Variants in CAPN5 observed in about 807,000 individuals in gnomAD.
CAPN5 encodes the protein calpain 5.
CAPN5 carries 54 observed loss-of-function variants against 73.0 expected under a neutral mutation model. That is an observed-to-expected ratio of 0.74 (90% confidence interval 0.59 to 0.93). CAPN5 has a LOEUF of 0.93. Ranked by LOEUF, CAPN5 falls within the 40% of genes least tolerant of loss-of-function variation. The probability of loss-of-function intolerance (pLI) is 0.00; values close to 1 mark genes in which losing one functional copy is unlikely to be tolerated. For synonymous variants in CAPN5, 335 were observed against 356.9 expected (o/e 0.94, Z 0.69); for missense variants, 785 against 882.9 (o/e 0.89, Z 1.41).
intron 2 of CAPN5, among the ~76,000 whole-genome samples, chr11:77,091,654 G>A (rs913582073): frequency 2.6e-5 from 4 of 152,298 alleles, no homozygotes; most frequent in East Asian, 1.9e-4. Context: ...TCAGTGAGGC[G>A]ATGGGAGAGG....
intron 5 of CAPN5, 143 bp downstream of exon 5, chr11:77,114,577 G>A (rs1220207970): frequency 9.1e-6 from 7 of 771,622 alleles, no homozygotes; most frequent in Admixed American, 6.2e-5. Context: ...GAAGTTGGAA[G>A]GTGCAACCCC....
chr11:77,115,649 GCTT>G, intron 6 of CAPN5, 61 bp downstream of exon 6: 1 of 1,417,842 alleles, frequency 7.1e-7, no homozygotes, highest in Non-Finnish European at 9.7e-7. Flanking sequence ...GGACGGGTGG[GCTT>G]CTTGGAGGAG....
intron 11 of CAPN5, 39 bp from the exon 12 acceptor site, chr11:77,122,537 A>ACCCCCCCCCCCCCCCC: frequency 2.3e-6 from 1 of 427,576 alleles, no homozygotes; most frequent in Non-Finnish European, 4.4e-6. Context: ...CACAGCCCCC[A>ACCCCCCCCCCCCCCCC]CCCCCACCCT....
intron 3 of CAPN5, among the ~76,000 whole-genome samples, chr11:77,097,221 C>CAA (rs112304571): frequency 2.1e-5 from 3 of 145,930 alleles, no homozygotes; most frequent in African/African-American, 7.5e-5. Flanking sequence ...GACTCCATCT[C>CAA]AAAAAAAAAA....
chr11:77,092,774 C>G (rs1161728420), intron 2 of CAPN5, among the ~76,000 whole-genome samples: 3 of 152,224 alleles, frequency 2.0e-5, no homozygotes, highest in African/African-American at 7.2e-5. Flanking sequence ...TGAGACCAGC[C>G]TGGCCAACAT....
At chr11:77,110,117 CTTTT>C (rs34542185) in intron 3 of CAPN5, among the ~76,000 whole-genome samples, 4 of 144,430 alleles carry the variant, frequency 2.8e-5, no homozygotes, top group Admixed American at 2.8e-4. Context: ...TGGAACCGCT[CTTTT>C]TTTTTTTTTT....
intron 1 of CAPN5, among the ~76,000 whole-genome samples, chr11:77,072,342 C>T (rs1433148862): frequency 1.3e-5 from 2 of 152,270 alleles, no homozygotes; most frequent in African/African-American, 4.8e-5. Context: ...GAACGAATCA[C>T]TTCCTTTGAG....
chr11:77,099,485 C>T (rs1950259681), intron 3 of CAPN5, among the ~76,000 whole-genome samples: 1 of 150,102 alleles, frequency 6.7e-6, no homozygotes, highest in Non-Finnish European at 1.5e-5. Context: ...CCCGGCACCT[C>T]GGGAGGCCAA....
chr11:77,103,654 G>GGA (rs1283825404), intron 3 of CAPN5, among the ~76,000 whole-genome samples: 22 of 152,294 alleles, frequency 1.4e-4, no homozygotes, highest in African/African-American at 5.3e-4. Flanking sequence ...CTTCATTGTG[G>GGA]GAGAGAGAGA....
Position 77,112,258 on chromosome 11 carries a change from C to T in CAPN5, c.298-331C>T, listed in dbSNP as rs542475662. On this transcript the variant is annotated intron_variant, in intron 3 of 12. Coordinates refer to ENST00000648180, the MANE Select transcript of CAPN5 (RefSeq NM_004055.5). ...GGTGGGCTGGATGGGTGGATGGTGG[C>T]GCTGGTCACTAGGCAGGAGCTGGTG... 4.6e-5 allele frequency among the ~76,000 whole-genome samples: 7 copies of T among 151,520 alleles called. No individual in the cohort carries two copies. In the East Asian group the frequency reaches 5.8e-4, roughly 13 times the overall value.
In CAPN5 at chr11:77,067,017, C is replaced by A. The variant is rs925395671; in HGVS notation, c.-113C>A. On this transcript the variant is annotated 5_prime_UTR_variant, in exon 1 of 13. Coordinates refer to ENST00000648180, the MANE Select transcript of CAPN5 (RefSeq NM_004055.5). ...CAGAGCCCGAGGCTGCTGCGCCGGG[C>A]GGCTGCAGCCTCCGCTCCAGCGCCC... is the stretch of plus-strand genomic sequence containing the variant. The A allele has an allele frequency of 6.6e-6, 1 of 152,062 alleles. No homozygotes were observed. Among genetic ancestry groups the A allele is most frequent in the Non-Finnish European group, 1.5e-5 (1 of 67,988 alleles). 9.4% of individuals were successfully genotyped at this position (152,062 alleles called of 1,614,324 possible).
At chr11:77,087,902 C>T in intron 2 of CAPN5, 1 of 1,535,886 alleles carries the variant, frequency 6.5e-7, no homozygotes, top group Non-Finnish European at 8.7e-7. Context: ...TCAGCCCACA[C>T]CCTTCACCCA....
rs1949926547 is a variant in CAPN5 at position 77,072,994 on chromosome 11, G to T, written c.-36+5900G>T. On this transcript the variant is annotated intron_variant, in intron 1 of 12. Coordinates refer to ENST00000648180, the MANE Select transcript of CAPN5 (RefSeq NM_004055.5). ...TGATCAAGTCCCATTTTGTTAGGTT[G>T]TCTCTCCGGTGGGGAGTGAGCGAGC... 3.3e-6 allele frequency: 3 copies of T among 913,298 alleles called. No individual in the cohort carries two copies. The African/African-American group carries it at 5.1e-5, about 16-fold the overall frequency. The allele number at this position is 913,298 out of a possible 1,614,324, so 56.6% of individuals were successfully genotyped here.
chr11:77,108,243 C>A (rs900038211), intron 3 of CAPN5, among the ~76,000 whole-genome samples: 1 of 152,168 alleles, frequency 6.6e-6, no homozygotes, highest in Non-Finnish European at 1.5e-5. Context: ...CAGACTTGGC[C>A]CCTGTCCCCA....
At chr11:77,102,226 A>G (rs1382383469) in intron 3 of CAPN5, among the ~76,000 whole-genome samples, 1 of 152,164 alleles carries the variant, frequency 6.6e-6, no homozygotes, top group Non-Finnish European at 1.5e-5. Flanking sequence ...AGATCCTGTC[A>G]ATGGGACTGG....
chr11:77,081,687 C>T (rs550088584), intron 1 of CAPN5, among the ~76,000 whole-genome samples: 9 of 152,192 alleles, frequency 5.9e-5, no homozygotes, highest in African/African-American at 1.2e-4. Context: ...GGGCCTGGGT[C>T]GAGGCTCAGG....
intron 3 of CAPN5, among the ~76,000 whole-genome samples, chr11:77,097,141 G>C (rs191993745): frequency 1.2e-4 from 18 of 152,232 alleles, no homozygotes; most frequent in African/African-American, 3.4e-4. Flanking sequence ...AGAATGGCGT[G>C]AACCTGGGAG....
chr11:77,081,774 C>T (rs1420185844), intron 1 of CAPN5, among the ~76,000 whole-genome samples: 2 of 152,130 alleles, frequency 1.3e-5, no homozygotes, highest in African/African-American at 4.8e-5. Context: ...CACCGGCTGG[C>T]ACCCAGCTGT....
intron 1 of CAPN5, among the ~76,000 whole-genome samples, chr11:77,074,751 C>T (rs1305454578): frequency 2.0e-5 from 3 of 152,172 alleles, no homozygotes; most frequent in Admixed American, 6.5e-5. Flanking sequence ...CTCCTTCGGC[C>T]GGCACTGGGT....
Sources: allele counts gnomAD v4.1 joint callset (sites outside exome capture counted in the v4.1 genomes callset), GRCh38; gene constraint gnomAD v4.1.1; transcripts MANE v1.5; gene names NCBI Gene and HGNC (gene_info 2026-07-23, HGNC 2026-07-21).